Variants in GLRB observed in about 807,000 individuals in gnomAD.
The protein encoded by GLRB is glycine receptor subunit beta.
GLRB carries 33 observed loss-of-function variants against 54.2 expected under a neutral mutation model. That is an observed-to-expected ratio of 0.61 (90% CI 0.46 to 0.81). The LOEUF (loss-of-function observed/expected upper bound fraction) is 0.81, where lower values mean the gene tolerates loss of function less well. Ranked by LOEUF, GLRB falls within the 40% of genes least tolerant of loss-of-function variation. The pLI, the probability that GLRB is intolerant of heterozygous loss-of-function variation, is 0.00. For synonymous variants in GLRB, 209 were observed against 208.2 expected (o/e 1.00, Z -0.03); for missense variants, 572 against 584.6 (o/e 0.98, Z 0.22).
intron 2 of GLRB, among the ~76,000 whole-genome samples, chr4:157,117,637 C>A (rs1010488844): frequency 1.3e-5 from 2 of 151,608 alleles, no homozygotes; most frequent in Non-Finnish European, 3.0e-5. Flanking sequence ...GAGAGTGCCA[C>A]AGGACAAAAT....
At chr4:157,166,462 T>G (rs1737711810) in intron 9 of GLRB, among the ~76,000 whole-genome samples, 1 of 152,082 alleles carries the variant, frequency 6.6e-6, no homozygotes, top group Non-Finnish European at 1.5e-5. Flanking sequence ...GAAAATTTTC[T>G]TTGTGTAAAA....
chr4:157,135,754 T>A (rs1331050742), intron 4 of GLRB, among the ~76,000 whole-genome samples: 3 of 152,284 alleles, frequency 2.0e-5, no homozygotes, highest in African/African-American at 7.2e-5. Context: ...TCAAGGAAGA[T>A]TTTTAGCAAA....
At chr4:157,122,456 G>C (rs1401085017) in intron 4 of GLRB, 59 bp downstream of exon 4, 1 of 669,556 alleles carries the variant, frequency 1.5e-6, no homozygotes. Flanking sequence ...GATAGTGAAA[G>C]TAACATTAAA....
intron 2 of GLRB, among the ~76,000 whole-genome samples, chr4:157,103,053 A>T (rs749760612): frequency 1.3e-5 from 2 of 151,870 alleles, no homozygotes; most frequent in Non-Finnish European, 2.9e-5. Context: ...CAGGAGGCTG[A>T]TACAGGAGAA....
chr4:157,079,054 G>A (rs1457487952), intron 2 of GLRB, among the ~76,000 whole-genome samples: 2 of 152,140 alleles, frequency 1.3e-5, no homozygotes, highest in African/African-American at 2.4e-5. Flanking sequence ...GATTACAGGC[G>A]TGGTTCACCG....
chr4:157,079,876 T>TA (rs1441386327), intron 2 of GLRB, among the ~76,000 whole-genome samples: 2 of 152,298 alleles, frequency 1.3e-5, no homozygotes, highest in East Asian at 3.9e-4. Flanking sequence ...CACAAACTGT[T>TA]GTCTATGTCA....
intron 9 of GLRB, among the ~76,000 whole-genome samples, chr4:157,159,260 A>G (rs1403199405): frequency 6.6e-6 from 1 of 152,180 alleles, no homozygotes; most frequent in Admixed American, 6.5e-5. Context: ...CTAAATATAC[A>G]ATCATGTCAT....
intron 2 of GLRB, chr4:157,084,572 G>A: frequency 2.2e-6 from 1 of 455,858 alleles, no homozygotes; most frequent in South Asian, 1.5e-5. Context: ...TTGAGAAAAT[G>A]TGATTTCTTT....
intron 2 of GLRB, chr4:157,084,517 A>G (rs1734336312): frequency 9.0e-6 from 4 of 442,324 alleles, no homozygotes; most frequent in Non-Finnish European, 1.8e-5. Flanking sequence ...CTTTAAAATA[A>G]TTACATAAAT....
At chr4:157,152,648 A>G (rs767101984) in intron 8 of GLRB, 70 bp from the exon 9 acceptor site, 54 of 1,228,184 alleles carry the variant, frequency 4.4e-5, no homozygotes, top group Non-Finnish European at 6.5e-5. Context: ...GGATTTAGTC[A>G]AAGAGTAATG....
intron 8 of GLRB, among the ~76,000 whole-genome samples, chr4:157,146,351 C>T (rs1203738006): frequency 1.3e-5 from 2 of 152,056 alleles, no homozygotes; most frequent in South Asian, 2.1e-4. Context: ...TACAAAGTCG[C>T]TAAAGGCTTT....
At chr4:157,085,582 C>T (rs976530036) in intron 2 of GLRB, among the ~76,000 whole-genome samples, 3 of 151,872 alleles carry the variant, frequency 2.0e-5, no homozygotes, top group African/African-American at 4.8e-5. Flanking sequence ...CTGCAACCTC[C>T]GCCTCCTGGG....
At chr4:157,100,874 C>T (rs1202959120) in intron 2 of GLRB, among the ~76,000 whole-genome samples, 1 of 152,056 alleles carries the variant, frequency 6.6e-6, no homozygotes, top group Non-Finnish European at 1.5e-5. Context: ...ATTTTTGGTG[C>T]CCACCCTGTG....
At chr4:157,169,012 T>C (rs953134029) in intron 9 of GLRB, among the ~76,000 whole-genome samples, 2 of 152,108 alleles carry the variant, frequency 1.3e-5, no homozygotes, top group Non-Finnish European at 2.9e-5. Context: ...AATATATGTG[T>C]ATTCAGGTAA....
At chr4:157,096,478 G>C (rs1734816184) in intron 2 of GLRB, among the ~76,000 whole-genome samples, 1 of 152,158 alleles carries the variant, frequency 6.6e-6, no homozygotes. Context: ...GCAGATTCTA[G>C]CTTATTCAAT....
At chr4:157,157,012 G>A (rs796732983) in intron 9 of GLRB, among the ~76,000 whole-genome samples, 17 of 152,234 alleles carry the variant, frequency 1.1e-4, no homozygotes, top group African/African-American at 3.4e-4. Context: ...TTCCCACTTC[G>A]TCAGGGTAGA....
At chr4:157,123,927 G>A (rs1735923609) in intron 4 of GLRB, among the ~76,000 whole-genome samples, 1 of 151,634 alleles carries the variant, frequency 6.6e-6, no homozygotes, top group Non-Finnish European at 1.5e-5. Context: ...GCTAATGCAA[G>A]GATCTTTTTT....
At chr4:157,133,885 A>T (rs1288108315) in intron 4 of GLRB, among the ~76,000 whole-genome samples, 1 of 152,058 alleles carries the variant, frequency 6.6e-6, no homozygotes, top group Non-Finnish European at 1.5e-5. Flanking sequence ...CACATGGAGA[A>T]ACACTATTAA....
At chr4:157,098,828 G>C (rs530486233) in intron 2 of GLRB, among the ~76,000 whole-genome samples, 2 of 151,918 alleles carry the variant, frequency 1.3e-5, no homozygotes. Flanking sequence ...GACTGGCCTC[G>C]AACTCCTGAC....
Sources: allele counts gnomAD v4.1 joint callset (sites outside exome capture counted in the v4.1 genomes callset), GRCh38; gene constraint gnomAD v4.1.1; transcripts MANE v1.5; gene names NCBI Gene and HGNC (gene_info 2026-07-23, HGNC 2026-07-21).